Variants in NACA2 observed in about 807,000 individuals in gnomAD.
NACA2 encodes the protein nascent polypeptide-associated complex subunit alpha-2.
A neutral mutation model predicts 15.6 loss-of-function variants in NACA2; 9 were observed. That is an observed-to-expected ratio of 0.58 (90% CI 0.35 to 1.00). The LOEUF is 1.00. NACA2 is among the 50% of genes least tolerant of loss of function. The pLI, the probability that NACA2 is intolerant of heterozygous loss-of-function variation, is 0.02. For synonymous variants in NACA2, 111 were observed against 100.5 expected, an observed-to-expected ratio of 1.10 and a Z score of -0.62; for missense variants, 258 against 257.5, an observed-to-expected ratio of 1.00 and a Z score of -0.01.
In NACA2 at chr17:61,590,682, C is replaced by G; in HGVS notation, c.499G>C (p.Glu167Gln). The change falls in exon 1 of 1, where the codon GAA (glutamate) becomes CAA (glutamine). Residue 167 changes from glutamate (E) to glutamine (Q), a missense_variant. Coordinates refer to ENST00000521764, the MANE Select transcript of NACA2 (RefSeq NM_199290.4). ...TQTPTVQEES[E>Q]EEEVDETGVE... is the part of the protein sequence containing the mutation. Reference sequence around the variant, plus strand: ...CCTGTTTCATCGACCTCTTCCTCTTCACTCTCCTCTTGTACAGTTGGAGTC... The same window carrying G: ...CCTGTTTCATCGACCTCTTCCTCTTGACTCTCCTCTTGTACAGTTGGAGTC... 6.2e-7 allele frequency: 1 copy of G among 1,614,188 alleles called. No individual in the cohort carries two copies. Among genetic ancestry groups the G allele is most frequent in the Non-Finnish European group, 8.5e-7 (1 of 1,180,046 alleles).
In NACA2 at chr17:61,591,219, G is replaced by A. The variant is rs779307459; in HGVS notation, c.-39C>T. ...CGCGGAAGCAAGATGGCGGCAGAAA[G>A]AGCGCGAGCGAGAGCGTGACCCACG... On this transcript the variant is annotated 5_prime_UTR_variant, in exon 1 of 1. Transcript: ENST00000521764. 11 of 1,613,052 alleles carry A rather than the reference G, an allele frequency of 6.8e-6. No individual in the cohort carries two copies. The Admixed American group carries it at 1.5e-4, about 22-fold the overall frequency.
chr17:61,591,157 G>T lies in NACA2; in HGVS notation c.24C>A (p.Thr8=). Residue 8 remains threonine, a synonymous_variant, in exon 1 of 1, where the codon ACC becomes ACA. Transcript: ENST00000521764. MPGEATE[T]VPATEQELPQ... is the part of the protein sequence containing the mutation. ...GCAACTCCTGCTCTGTAGCAGGGAC[G>T]GTTTCTGTGGCTTCGCCCGGCATTT... 1 of 1,614,258 alleles carries T rather than the reference G, an allele frequency of 6.2e-7. No individual in the cohort carries two copies. Among genetic ancestry groups the T allele is most frequent in the Non-Finnish European group, 8.5e-7 (1 of 1,180,050 alleles).
rs61748812 is a variant in NACA2, at chr17:61,591,156, C to A, written c.25G>T (p.Val9Phe). ...GGCAACTCCTGCTCTGTAGCAGGGA[C>A]GGTTTCTGTGGCTTCGCCCGGCATT... MPGEATETVPATEQELPQS... is the reference protein window; with the variant it reads MPGEATETFPATEQELPQS... The change falls in exon 1 of 1, where the codon GTC becomes TTC. Residue 9 changes from valine to phenylalanine, a missense_variant. By Grantham distance (50) the Val-to-Phe change is conservative. Coordinates refer to ENST00000521764, the MANE Select transcript of NACA2 (RefSeq NM_199290.4). 0.023 allele frequency: 37,490 copies of A among 1,614,234 alleles called. 529 individuals are homozygous for A. The highest frequency in any genetic ancestry group is 0.049 in the Middle Eastern group (295 of 6,060).
Position 61,591,109 on chromosome 17 carries a change from C to T in NACA2, c.72G>A (p.Gly24=), listed in dbSNP as rs1484296600. ...CACCACTATCAGATGCTGTTCCAGA[C>T]CCTGTCTCAGCCTGGGACTGCGGCA... is the stretch of plus-strand genomic sequence containing the variant. ...QELPQSQAET[G]SGTASDSGES... The change falls in exon 1 of 1, where the codon GGG becomes GGA. Residue 24 remains glycine, a synonymous_variant. Coordinates refer to ENST00000521764, the MANE Select transcript of NACA2 (RefSeq NM_199290.4). The T allele has an allele frequency of 6.2e-7, 1 of 1,614,140 alleles. No homozygotes were observed. Among genetic ancestry groups the T allele is most frequent in the Non-Finnish European group, 8.5e-7 (1 of 1,180,044 alleles).
chr17:61,590,693 T>G lies in NACA2; in HGVS notation c.488A>C (p.Gln163Pro). ...GACCTCTTCCTCTTCACTCTCCTCT[T>G]GTACAGTTGGAGTCTGTGTGTTTTC... ...IQENTQTPTV[Q>P]EESEEEEVDE... is the part of the protein sequence containing the mutation. Residue 163 changes from glutamine to proline, a missense_variant, in exon 1 of 1, where the codon CAA (glutamine) becomes CCA (proline). Transcript: ENST00000521764. 1 of 1,614,246 alleles carries G rather than the reference T, an allele frequency of 6.2e-7. No individual in the cohort carries two copies. The highest frequency in any genetic ancestry group is 8.5e-7 in the Non-Finnish European group (1 of 1,180,050).
rs2060997728 is a variant in NACA2, at chr17:61,591,002, T to C, written c.179A>G (p.Asp60Gly). Residue 60 changes from aspartate (D) to glycine (G), a missense_variant, in exon 1 of 1, where the codon GAT (aspartate) becomes GGT (glycine). Physicochemically the swap from Asp to Gly is moderately conservative, Grantham distance 94 (BLOSUM62 -1). Coordinates refer to ENST00000521764, the MANE Select transcript of NACA2 (RefSeq NM_199290.4). Reference sequence around the variant, plus strand: ...TTTTGCTTTACCGACTGGTTCTTCATCAATTTCAGCTGCTGCCACCAGCCA... The same window carrying C: ...TTTTGCTTTACCGACTGGTTCTTCACCAATTTCAGCTGCTGCCACCAGCCA... ...KAWLVAAAEI[D>G]EEPVGKAKQS... The C allele has an allele frequency of 6.2e-6, 10 of 1,614,260 alleles. 1 individual carries two copies. The African/African-American group carries it at 6.7e-5, about 11-fold the overall frequency.
rs1399027477 is a variant in NACA2, at chr17:61,591,014, G to GCTGCCAC, written c.160_166dup (p.Ala56GlyfsTer5). ...GACTGGTTCTTCATCAATTTCAGCTGCTGCCACCAGCCAGGCTTTTTGTGT... is the reference window on the plus strand; with the variant it reads ...GACTGGTTCTTCATCAATTTCAGCTGCTGCCACCTGCCACCAGCCAGGCTTTTTGTGT... On this transcript the variant is annotated frameshift_variant, in exon 1 of 1. Coordinates refer to ENST00000521764, the MANE Select transcript of NACA2 (RefSeq NM_199290.4). LOFTEE classifies it high-confidence loss of function. 5.6e-6 allele frequency: 9 copies of GCTGCCAC among 1,614,066 alleles called. No homozygotes were observed. Among genetic ancestry groups the GCTGCCAC allele is most frequent in the Non-Finnish European group, 6.8e-6 (8 of 1,180,042 alleles).
In NACA2 at chr17:61,590,554, C is replaced by A; in HGVS notation, c.627G>T (p.Ala209=). Residue 209 remains alanine, a synonymous_variant, in exon 1 of 1, where the codon GCG becomes GCT. Transcript: ENST00000521764. ...LKNNSNDIVN[A]IMELTV is the part of the protein sequence containing the mutation. ...ATGGTTACACTGTTAATTCCATAAT[C>A]GCATTTACAATATCATTACTGTTGT... is the stretch of plus-strand genomic sequence containing the variant. The A allele has an allele frequency of 6.2e-7, 1 of 1,614,224 alleles. No homozygotes were observed. Among genetic ancestry groups the A allele is most frequent in the South Asian group, 1.1e-5 (1 of 91,072 alleles).
Position 61,591,196 on chromosome 17 carries a change from C to T in NACA2, c.-16G>A, listed in dbSNP as rs371557606. On this transcript the variant is annotated 5_prime_UTR_variant, in exon 1 of 1. Coordinates refer to ENST00000521764, the MANE Select transcript of NACA2 (RefSeq NM_199290.4). Reference sequence around the variant, plus strand: ...CGCCCGGCATTTTGTGCAGGGAACGCGGAAGCAAGATGGCGGCAGAAAGAG... The same window carrying T: ...CGCCCGGCATTTTGTGCAGGGAACGTGGAAGCAAGATGGCGGCAGAAAGAG... 2.1e-5 allele frequency: 34 copies of T among 1,614,098 alleles called. No individual in the cohort carries two copies. In the African/African-American group the frequency reaches 3.2e-4, roughly 15 times the overall value.
chr17:61,591,072 C>T lies in NACA2; in HGVS notation c.109G>A (p.Gly37Arg), dbSNP rs878968419. 2 of 1,614,268 alleles carry T rather than the reference C, an allele frequency of 1.2e-6. No individual in the cohort carries two copies. Among genetic ancestry groups the T allele is most frequent in the South Asian group, 2.2e-5 (2 of 91,084 alleles). Residue 37 changes from glycine to arginine, a missense_variant, in exon 1 of 1, where the codon GGG becomes AGG. Gly to Arg is a moderately radical substitution (Grantham distance 125). Transcript: ENST00000521764. ...TGGGTGGAATCCTGTTCTTCAATCC[C>T]TGGTACTGATTCACCACTATCAGAT... Reference protein sequence around the residue: ...TASDSGESVPGIEEQDSTQTT... With the variant: ...TASDSGESVPRIEEQDSTQTT...
rs542316667 is a variant in NACA2 at position 61,591,167 on chromosome 17, G to A, written c.14C>T (p.Ala5Val). Residue 5 changes from alanine to valine, a missense_variant, in exon 1 of 1, where the codon GCC becomes GTC. Physicochemically the swap from Ala to Val is moderately conservative, Grantham distance 64. Transcript: ENST00000521764. MPGE[A>V]TETVPATEQE... The stretch of plus-strand genomic sequence containing the variant: ...CTCTGTAGCAGGGACGGTTTCTGTG[G>A]CTTCGCCCGGCATTTTGTGCAGGGA... The A allele has an allele frequency of 6.2e-7, 1 of 1,614,240 alleles. No individual in the cohort carries two copies. The highest frequency in any genetic ancestry group is 2.2e-5 in the East Asian group (1 of 44,880).
Position 61,590,453 on chromosome 17 carries a change from T to C in NACA2, c.*80A>G, listed in dbSNP as rs765193411. 1.6e-4 allele frequency: 223 copies of C among 1,377,238 alleles called. No individual in the cohort carries two copies. The highest frequency in any genetic ancestry group is 2.2e-4 in the Non-Finnish European group (217 of 974,242). The allele number at this position is 1,377,238 out of a possible 1,614,324, so 85.3% of individuals were successfully genotyped here. A position where few individuals can be genotyped will look rare whatever the true frequency, so the allele number is the denominator to read the frequency against. On this transcript the variant is annotated 3_prime_UTR_variant, in exon 1 of 1. Transcript: ENST00000521764. ...TTTCCAGCAAGAAGTCATAACTTTA[T>C]TTATGATAGAAACAGTACAAATTTC...
rs755800165 is a variant in NACA2 at position 61,591,172 on chromosome 17, G to A, written c.9C>T (p.Gly3=). ...TAGCAGGGACGGTTTCTGTGGCTTC[G>A]CCCGGCATTTTGTGCAGGGAACGCG... MP[G]EATETVPATE... Residue 3 remains glycine (G), a synonymous_variant, in exon 1 of 1, where the codon GGC becomes GGT. Transcript: ENST00000521764. 9 of 1,614,212 alleles carry A rather than the reference G, an allele frequency of 5.6e-6. No homozygotes were observed. The highest frequency in any genetic ancestry group is 2.2e-5 in the South Asian group (2 of 91,084).
Position 61,590,934 on chromosome 17 carries a change from G to C in NACA2, c.247C>G (p.Leu83Val). 4 of 1,614,236 alleles carry C rather than the reference G, an allele frequency of 2.5e-6. No homozygotes were observed. The highest frequency in any genetic ancestry group is 1.3e-5 in the African/African-American group (1 of 75,056). The change falls in exon 1 of 1, where the codon CTG (leucine) becomes GTG (valine). Residue 83 changes from leucine to valine, a missense_variant. By Grantham distance (32) the Leu-to-Val change is conservative. Coordinates refer to ENST00000521764, the MANE Select transcript of NACA2 (RefSeq NM_199290.4). Reference protein sequence around the residue: ...EKRARKAMSKLGLLQVTGVTR... With the variant: ...EKRARKAMSKVGLLQVTGVTR... ...ACTCCTGTAACCTGTAGAAGACCCA[G>C]TTTGGACATAGCCTTCCGTGCCCTC...
chr17:61,590,762 G>T lies in NACA2; in HGVS notation c.419C>A (p.Ala140Glu). 2 of 1,614,134 alleles carry T rather than the reference G, an allele frequency of 1.2e-6. No homozygotes were observed. Among genetic ancestry groups the T allele is most frequent in the Non-Finnish European group, 1.7e-6 (2 of 1,180,028 alleles). Residue 140 changes from alanine to glutamate, a missense_variant, in exon 1 of 1, where the codon GCG becomes GAG. Transcript: ENST00000521764. ...TTCACCTTGAACTCTGAATTTCTCC[G>T]CAGCTGCTAGTTGTGCTTGCTGAGA... ...DLSQQAQLAA[A>E]EKFRVQGEAV...
In NACA2 at chr17:61,591,205, G is replaced by C. The variant is rs2060999350; in HGVS notation, c.-25C>G. The C allele has an allele frequency of 6.2e-7, 1 of 1,613,846 alleles. No homozygotes were observed. Reference sequence around the variant, plus strand: ...TTTTGTGCAGGGAACGCGGAAGCAAGATGGCGGCAGAAAGAGCGCGAGCGA... The same window carrying C: ...TTTTGTGCAGGGAACGCGGAAGCAACATGGCGGCAGAAAGAGCGCGAGCGA... On this transcript the variant is annotated 5_prime_UTR_variant, in exon 1 of 1. In the 5' UTR this introduces an upstream ATG that the reference lacks. Coordinates refer to ENST00000521764, the MANE Select transcript of NACA2 (RefSeq NM_199290.4).
chr17:61,590,528 G>C lies in NACA2; in HGVS notation c.*5C>G, dbSNP rs879056164. Reference sequence around the variant, plus strand: ...GAGACACCAAAAAAAGTTGCTTTCAGATGGTTACACTGTTAATTCCATAAT... The same window carrying C: ...GAGACACCAAAAAAAGTTGCTTTCACATGGTTACACTGTTAATTCCATAAT... On this transcript the variant is annotated 3_prime_UTR_variant, in exon 1 of 1. Transcript: ENST00000521764. 3 of 1,614,008 alleles carry C rather than the reference G, an allele frequency of 1.9e-6. No individual in the cohort carries two copies. Among genetic ancestry groups the C allele is most frequent in the South Asian group, 2.2e-5 (2 of 91,080 alleles).
At position 61,590,425 on chromosome 17, in the gene NACA2, C is replaced by T; in HGVS notation, c.*108G>A. 1 of 1,173,236 alleles carries T rather than the reference C, an allele frequency of 8.5e-7. No homozygotes were observed. Among genetic ancestry groups the T allele is most frequent in the Non-Finnish European group, 1.2e-6 (1 of 802,890 alleles). 72.7% of individuals were successfully genotyped at this position (1,173,236 alleles called of 1,614,324 possible). ...AAAAAGAGAGCATTTCTTTTCTTTT[C>T]TTTTTCCAGCAAGAAGTCATAACTT... is the stretch of plus-strand genomic sequence containing the variant. On this transcript the variant is annotated 3_prime_UTR_variant, in exon 1 of 1. Transcript: ENST00000521764.
Position 61,590,696 on chromosome 17 carries a change from A to G in NACA2, c.485T>C (p.Val162Ala), listed in dbSNP as rs1414539348. Reference sequence around the variant, plus strand: ...CTCTTCCTCTTCACTCTCCTCTTGTACAGTTGGAGTCTGTGTGTTTTCTTG... The same window carrying G: ...CTCTTCCTCTTCACTCTCCTCTTGTGCAGTTGGAGTCTGTGTGTTTTCTTG... ...NIQENTQTPT[V>A]QEESEEEEVD... is the part of the protein sequence containing the mutation. Residue 162 changes from valine (V) to alanine (A), a missense_variant, in exon 1 of 1, where the codon GTA becomes GCA. Transcript: ENST00000521764. 6.2e-7 allele frequency: 1 copy of G among 1,614,098 alleles called. No homozygotes were observed. The highest frequency in any genetic ancestry group is 2.2e-5 in the East Asian group (1 of 44,876).
Sources: gnomAD v4.1 joint callset for allele counts on GRCh38, gnomAD v4.1.1 for gene constraint, MANE v1.5 for transcripts, NCBI Gene and HGNC (gene_info 2026-07-23, HGNC 2026-07-21) for gene names.